The following MSI2 variants were observed in gnomAD, a reference collection of about 807,000 sequenced individuals.
The protein encoded by MSI2 is musashi RNA binding protein 2.
A neutral mutation model predicts 45.6 loss-of-function variants in MSI2; 17 were observed. That is an observed-to-expected ratio of 0.37 (90% CI 0.26 to 0.56). MSI2 has a LOEUF of 0.56. Ranked by LOEUF, MSI2 falls within the 20% of genes least tolerant of loss-of-function variation. The pLI, the probability that MSI2 is intolerant of heterozygous loss-of-function variation, is 0.77. For synonymous variants in MSI2, 156 were observed against 158.2 expected, an observed-to-expected ratio of 0.99 and a Z score of 0.11; for missense variants, 293 against 444.2, an observed-to-expected ratio of 0.66 and a Z score of 3.06.
rs550849685 is a variant in MSI2, at chr17:57,508,676, G to T, written c.406-21000G>T. Reference sequence around the variant, plus strand: ...TGTTTTGGTTCAGATGCCATCAGATGTGTGGGATTGGCAAGACATGGGAAA... The same window carrying T: ...TGTTTTGGTTCAGATGCCATCAGATTTGTGGGATTGGCAAGACATGGGAAA... On this transcript the variant is annotated intron_variant, in intron 6 of 13. Transcript: ENST00000284073. Among the ~76,000 whole-genome samples, 3 of 152,322 alleles carry T rather than the reference G, an allele frequency of 2.0e-5. No individual in the cohort carries two copies. In the East Asian group the frequency reaches 5.8e-4, roughly 29 times the overall value.
intron 5 of MSI2, among the ~76,000 whole-genome samples, chr17:57,298,623 TGCATTCTAGCCTGGGTGACAGA>T (rs1911181856): frequency 6.6e-6 from 1 of 152,102 alleles, no homozygotes; most frequent in African/African-American, 2.4e-5. Context: ...ATTGCACCGT[TGCATTCTAGCCTGGGTGACAGA>T]GCAAGACTCT....
intron 11 of MSI2, among the ~76,000 whole-genome samples, chr17:57,664,967 C>T (rs1351194308): frequency 6.6e-6 from 1 of 152,210 alleles, no homozygotes; most frequent in African/African-American, 2.4e-5. Flanking sequence ...CAGGGTGAGC[C>T]TCAGGCAGGC....
At chr17:57,688,854 A>C (rs1335610382), downstream of MSI2, among the ~76,000 whole-genome samples, 1 of 152,152 alleles carries the variant, frequency 6.6e-6, no homozygotes, top group South Asian at 2.1e-4. Context: ...TAAAGATTTC[A>C]CTGAAAATTC....
In MSI2 at chr17:57,529,542, T is replaced by G; in HGVS notation, c.406-134T>G. ...TTTTTTTCTTTCTACTTTTTTGCAT[T>G]TTCAAATATTTTTTGATAAGCAACT... is the stretch of plus-strand genomic sequence containing the variant. On this transcript the variant is annotated intron_variant, in intron 6 of 13. Transcript: ENST00000284073. This position sits in a 1 kb window ranked among gnomAD's most constrained non-coding sequence, Gnocchi z 5.3. 1 of 773,610 alleles carries G rather than the reference T, an allele frequency of 1.3e-6. No homozygotes were observed. The highest frequency in any genetic ancestry group is 2.7e-5 in the East Asian group (1 of 37,458). The allele number at this position is 773,610 out of a possible 1,614,324, so 47.9% of individuals were successfully genotyped here.
chr17:57,633,542 C>A (rs955937600), intron 10 of MSI2, among the ~76,000 whole-genome samples: 7 of 152,254 alleles, frequency 4.6e-5, no homozygotes, highest in African/African-American at 1.7e-4. Flanking sequence ...CGCCCACGGG[C>A]CTGTGTGTGG....
At chr17:57,270,209 A>C (rs71387489) in intron 5 of MSI2, among the ~76,000 whole-genome samples, 6,531 of 152,320 alleles carry the variant, frequency 0.043, 168 homozygotes, top group African/African-American at 0.072. Flanking sequence ...TAGGCATAGT[A>C]CCGAGACTAT....
chr17:57,302,953 C>G (rs530891189), intron 5 of MSI2, among the ~76,000 whole-genome samples: 1 of 151,998 alleles, frequency 6.6e-6, no homozygotes, highest in South Asian at 2.1e-4. Flanking sequence ...AGAAACTGGC[C>G]GAGTGAGGAG....
intron 7 of MSI2, among the ~76,000 whole-genome samples, chr17:57,542,869 G>A (rs116267471): frequency 7.2e-5 from 11 of 152,312 alleles, no homozygotes; most frequent in African/African-American, 1.9e-4. Context: ...TCCATCCGTC[G>A]TCTGTGCCCA....
At chr17:57,342,474 G>T (rs1295200595) in intron 5 of MSI2, among the ~76,000 whole-genome samples, 4 of 152,214 alleles carry the variant, frequency 2.6e-5, no homozygotes, top group Admixed American at 1.3e-4. Context: ...CTTCTAGTGT[G>T]TTTTAGCGAA....
At chr17:57,323,671 G>T (rs546306480) in intron 5 of MSI2, among the ~76,000 whole-genome samples, 8 of 152,384 alleles carry the variant, frequency 5.2e-5, no homozygotes, top group Admixed American at 2.0e-4. Flanking sequence ...GGCCTCACCA[G>T]GGGAGACTTG....
intron 6 of MSI2, among the ~76,000 whole-genome samples, chr17:57,501,164 T>C (rs1253333776): frequency 6.6e-6 from 1 of 152,008 alleles, no homozygotes; most frequent in Non-Finnish European, 1.5e-5. Context: ...GGTTCCTGAG[T>C]GTAAGGTGTG....
At chr17:57,333,137 G>C (rs1480778872) in intron 5 of MSI2, among the ~76,000 whole-genome samples, 2 of 152,058 alleles carry the variant, frequency 1.3e-5, no homozygotes, top group Non-Finnish European at 2.9e-5. Context: ...AAACCTCTTT[G>C]TTCCTCAGTT....
intron 11 of MSI2, among the ~76,000 whole-genome samples, chr17:57,661,666 T>G (rs1369014708): frequency 6.6e-6 from 1 of 152,188 alleles, no homozygotes; most frequent in Admixed American, 6.5e-5. Context: ...ATGGCAAATC[T>G]CTGCCTTAGT....
At chr17:57,688,680 A>G (rs79490443), downstream of MSI2, among the ~76,000 whole-genome samples, 2,953 of 152,266 alleles carry the variant, frequency 0.019, 49 homozygotes, top group Non-Finnish European at 0.032. Context: ...ATATGTATAT[A>G]TGTGAAGATA....
intron 5 of MSI2, among the ~76,000 whole-genome samples, chr17:57,393,787 T>C (rs2083839350): frequency 6.6e-6 from 1 of 152,342 alleles, no homozygotes; most frequent in Non-Finnish European, 1.5e-5. Context: ...GTTCAAGTGA[T>C]TCTCCTGCCT....
chr17:57,392,399 A>G (rs543825645), intron 5 of MSI2, among the ~76,000 whole-genome samples: 3 of 152,322 alleles, frequency 2.0e-5, no homozygotes, highest in Admixed American at 6.5e-5. Flanking sequence ...TCATTTCATT[A>G]CAAGATCACC....
intron 6 of MSI2, among the ~76,000 whole-genome samples, chr17:57,518,423 GTT>G (rs2086515694): frequency 6.6e-6 from 1 of 152,188 alleles, no homozygotes; most frequent in African/African-American, 2.4e-5. Flanking sequence ...TTGTCCTGAT[GTT>G]TATTTCATGC....
At chr17:57,550,349 G>C (rs938752040) in intron 7 of MSI2, among the ~76,000 whole-genome samples, 1 of 152,154 alleles carries the variant, frequency 6.6e-6, no homozygotes. Flanking sequence ...GGACACCCCC[G>C]TTTGGGACTT....
At chr17:57,655,980 T>C (rs1259113838) in intron 11 of MSI2, among the ~76,000 whole-genome samples, 2 of 152,232 alleles carry the variant, frequency 1.3e-5, no homozygotes, top group Non-Finnish European at 2.9e-5. Flanking sequence ...TTAGATTGTA[T>C]GTATCTGTGG....
Sources: allele counts gnomAD v4.1 joint callset (sites outside exome capture counted in the v4.1 genomes callset), GRCh38; gene constraint gnomAD v4.1.1; non-coding constraint Gnocchi (gnomAD v3.1); transcripts MANE v1.5; gene names NCBI Gene and HGNC (gene_info 2026-07-23, HGNC 2026-07-21).